Variants in SLC35F3 observed in about 807,000 individuals in gnomAD.
The protein encoded by SLC35F3 is solute carrier family 35 member F3, also known as putative thiamine transporter SLC35F3.
SLC35F3 carries 25 observed loss-of-function variants against 49.9 expected under a neutral mutation model. The ratio of observed to expected loss-of-function variants is 0.50; its 90% CI spans 0.37 to 0.70. The LOEUF (loss-of-function observed/expected upper bound fraction) is 0.70, where lower values mean the gene tolerates loss of function less well. Among genes scored for constraint, SLC35F3 ranks in the 30% least tolerant of loss-of-function variants. The pLI, the probability that SLC35F3 is intolerant of heterozygous loss-of-function variation, is 0.00. For missense variants in SLC35F3, 525 were observed against 639.8 expected (o/e 0.82, Z 1.94); for synonymous variants, 275 against 265.4 (o/e 1.04, Z -0.35).
At chr1:234,041,545 G>A (rs1421723665) in intron 2 of SLC35F3, among the ~76,000 whole-genome samples, 1 of 151,992 alleles carries the variant, frequency 6.6e-6, no homozygotes, top group African/African-American at 2.4e-5. Flanking sequence ...TAGTGTGTCT[G>A]CCTGTATGTA....
chr1:234,008,928 G>C (rs1663671785), intron 2 of SLC35F3, among the ~76,000 whole-genome samples: 1 of 152,140 alleles, frequency 6.6e-6, no homozygotes. Flanking sequence ...GATTCCTGGT[G>C]TTCCCTTTTC....
Position 234,320,276 on chromosome 1 carries a change from A to T in SLC35F3, c.1237+89A>T. ...CACATACACACACTCATGCATACAT[A>T]CACACTCACACATACACTCACATAC... On this transcript the variant is annotated intron_variant, in intron 7 of 7. Coordinates refer to ENST00000366618, the MANE Select transcript of SLC35F3 (RefSeq NM_173508.4). The surrounding 1 kb of genome is among the most constrained non-coding windows in gnomAD (Gnocchi z 4.8). 1 of 862,200 alleles carries T rather than the reference A, an allele frequency of 1.2e-6. No individual in the cohort carries two copies. Among genetic ancestry groups the T allele is most frequent in the South Asian group, 1.4e-5 (1 of 73,568 alleles). The allele number at this position is 862,200 out of a possible 1,614,324, so 53.4% of individuals were successfully genotyped here. A position where few individuals can be genotyped will look rare whatever the true frequency, so the allele number is the denominator to read the frequency against.
At chr1:234,144,069 CA>C (rs1421227981) in intron 2 of SLC35F3, among the ~76,000 whole-genome samples, 1 of 149,122 alleles carries the variant, frequency 6.7e-6, no homozygotes, top group East Asian at 2.4e-4. Context: ...GCTGGTACTC[CA>C]GGGAAAGAGA....
At position 233,957,551 on chromosome 1, in the gene SLC35F3, G is replaced by A. The variant is rs931953437; in HGVS notation, c.283+51793G>A. 1.3e-4 allele frequency among the ~76,000 whole-genome samples: 20 copies of A among 152,236 alleles called. No individual in the cohort carries two copies. The highest frequency in any genetic ancestry group is 8.5e-4 in the Admixed American group (13 of 15,290). On this transcript the variant is annotated intron_variant, in intron 2 of 7. Transcript: ENST00000366618. The surrounding 1 kb of genome is among the most constrained non-coding windows in gnomAD (Gnocchi z 4.0). ...AATAACTGGCTGTGTGTGGTGGCTC[G>A]TGCCTGTAATCCCAGCACTTTGGGA...
intron 2 of SLC35F3, among the ~76,000 whole-genome samples, chr1:233,971,411 A>G (rs1275201108): frequency 6.6e-6 from 1 of 152,240 alleles, no homozygotes; most frequent in African/African-American, 2.4e-5. Flanking sequence ...TATGAAAATA[A>G]GGACAGTTAT....
intron 3 of SLC35F3, among the ~76,000 whole-genome samples, chr1:234,253,468 AGG>A (rs1553319392): frequency 1.5e-4 from 23 of 151,254 alleles, no homozygotes; most frequent in Admixed American, 9.2e-4. Context: ...AAAAAAAAAA[AGG>A]AGAATAGATA....
chr1:234,303,998 T>TCTCC (rs1668731889), intron 3 of SLC35F3, among the ~76,000 whole-genome samples: 1 of 129,588 alleles, frequency 7.7e-6, no homozygotes, highest in Non-Finnish European at 1.7e-5. Context: ...CTCCTAATTT[T>TCTCC]ATCCTTCCTT....
chr1:234,291,156 G>A (rs763454815), intron 3 of SLC35F3, among the ~76,000 whole-genome samples: 1 of 152,174 alleles, frequency 6.6e-6, no homozygotes, highest in African/African-American at 2.4e-5. Flanking sequence ...GACACACACT[G>A]ACTGACGCTA....
chr1:234,063,937 A>G (rs974818905), intron 2 of SLC35F3, among the ~76,000 whole-genome samples: 1 of 152,222 alleles, frequency 6.6e-6, no homozygotes, highest in Admixed American at 6.5e-5. Context: ...ATAGTCCTAC[A>G]TGTGGGATCT....
chr1:233,992,547 C>T (rs1166231666), intron 2 of SLC35F3, among the ~76,000 whole-genome samples: 1 of 152,130 alleles, frequency 6.6e-6, no homozygotes, highest in African/African-American at 2.4e-5. Context: ...TGCAGTCTTG[C>T]AAAAGAGAGA....
intron 2 of SLC35F3, among the ~76,000 whole-genome samples, chr1:233,933,379 C>T (rs72753715): frequency 0.11 from 17,142 of 151,894 alleles, 1,046 homozygotes; most frequent in Non-Finnish European, 0.14. Context: ...GACAGGGTCT[C>T]CCTCTGCCAT....
Position 234,096,852 on chromosome 1 carries a change from C to T in SLC35F3, c.284-134565C>T, listed in dbSNP as rs186251121. ...GGGTAGATACCCAGCAGTGGAATTG[C>T]TGGATCGAACGGTAAATCTACTTTG... is the stretch of plus-strand genomic sequence containing the variant. On this transcript the variant is annotated intron_variant, in intron 2 of 7. Transcript: ENST00000366618. Among the ~76,000 whole-genome samples, 113 of 151,106 alleles carry T rather than the reference C, an allele frequency of 7.5e-4. 1 individual carries two copies. Among genetic ancestry groups the T allele is most frequent in the South Asian group, 1.3e-3 (6 of 4,752 alleles).
intron 2 of SLC35F3, among the ~76,000 whole-genome samples, chr1:233,954,092 C>T (rs1473357391): frequency 3.3e-5 from 5 of 151,980 alleles, no homozygotes; most frequent in African/African-American, 1.2e-4. Context: ...CTGCAACCTC[C>T]ACCTCCCGGG....
At chr1:234,113,213 T>C (rs1480424053) in intron 2 of SLC35F3, among the ~76,000 whole-genome samples, 1 of 152,202 alleles carries the variant, frequency 6.6e-6, no homozygotes, top group African/African-American at 2.4e-5. Context: ...ACAGACTAAA[T>C]TGCCATAATC....
At chr1:234,050,727 AATG>A (rs1229731982) in intron 2 of SLC35F3, among the ~76,000 whole-genome samples, 2 of 152,182 alleles carry the variant, frequency 1.3e-5, no homozygotes, top group Non-Finnish European at 2.9e-5. Context: ...CTATGTCCTG[AATG>A]ATATTGCCTA....
Position 234,300,159 on chromosome 1 carries a change from GC to G in SLC35F3, c.609-8940del, listed in dbSNP as rs763682498. 9.8e-4 allele frequency among the ~76,000 whole-genome samples: 149 copies of G among 152,342 alleles called. No homozygotes were observed. In the Middle Eastern group the frequency reaches 0.017, roughly 17 times the overall value. ...CTGGAAGGCCAAGTGAACTATAAAT[GC>G]CAGGTAATGGTGTTAACATTAACTG... On this transcript the variant is annotated intron_variant, in intron 3 of 7. Coordinates refer to ENST00000366618, the MANE Select transcript of SLC35F3 (RefSeq NM_173508.4).
intron 2 of SLC35F3, among the ~76,000 whole-genome samples, chr1:233,919,751 C>T (rs1662029397): frequency 6.6e-6 from 1 of 152,120 alleles, no homozygotes; most frequent in Admixed American, 6.5e-5. Flanking sequence ...TCTGTCCTTC[C>T]CCCCGGCTAC....
At chr1:234,162,577 C>G (rs1666245499) in intron 2 of SLC35F3, among the ~76,000 whole-genome samples, 1 of 151,978 alleles carries the variant, frequency 6.6e-6, no homozygotes, top group African/African-American at 2.4e-5. Flanking sequence ...CCTCCCTCAC[C>G]TAGCTCACCT....
chr1:234,043,148 C>A (rs1664246089), intron 2 of SLC35F3, among the ~76,000 whole-genome samples: 1 of 152,164 alleles, frequency 6.6e-6, no homozygotes, highest in Admixed American at 6.5e-5. Context: ...TCCCTACCTC[C>A]AGCCCCATCA....
Sources: allele counts gnomAD v4.1 joint callset (sites outside exome capture counted in the v4.1 genomes callset), GRCh38; gene constraint gnomAD v4.1.1; non-coding constraint Gnocchi (gnomAD v3.1); transcripts MANE v1.5; gene names NCBI Gene and HGNC (gene_info 2026-07-23, HGNC 2026-07-21).